The following RALGAPA1 variants were observed in gnomAD, a reference collection of about 807,000 sequenced individuals.
RALGAPA1 encodes Ral GTPase activating protein catalytic subunit alpha 1.
In RALGAPA1, 52 loss-of-function variants were observed where a neutral mutation model predicts 269.6. The observed-to-expected ratio is 0.19, with a 90% confidence interval of 0.15 to 0.24. RALGAPA1 has a LOEUF of 0.24. RALGAPA1 is among the 10% of genes least tolerant of loss of function. The pLI is 1.00. For synonymous variants in RALGAPA1, 817 were observed against 1,008.3 expected (o/e 0.81, Z 3.60); for missense variants, 1,917 against 3,013.9 (o/e 0.64, Z 8.52).
At position 35,689,653 on chromosome 14, in the gene RALGAPA1, G is replaced by A; in HGVS notation, c.2758C>T (p.Leu920Phe). 7.9e-7 allele frequency: 1 copy of A among 1,270,850 alleles called. No homozygotes were observed. The highest frequency in any genetic ancestry group is 9.9e-7 in the Non-Finnish European group (1 of 1,009,902). 78.7% of individuals were successfully genotyped at this position (1,270,850 alleles called of 1,614,324 possible). The change falls in exon 18 of 42, where the codon CTT becomes TTT. Residue 920 changes from leucine to phenylalanine, a missense_variant. By Grantham distance (22) the Leu-to-Phe change is conservative. Transcript: ENST00000680220. ...HLCHLIGPVE[L>F]ADSAFEQIQY... Reference sequence around the variant, plus strand: ...ATTTGTTCAAAAGCTGAATCTGCAAGTTCTACTGGACCTATTAAATGACAA... The same window carrying A: ...ATTTGTTCAAAAGCTGAATCTGCAAATTCTACTGGACCTATTAAATGACAA...
At chr14:35,808,263 G>C (rs1268311247) in intron 1 of RALGAPA1, among the ~76,000 whole-genome samples, 1 of 152,120 alleles carries the variant, frequency 6.6e-6, no homozygotes, top group African/African-American at 2.4e-5. Flanking sequence ...CAGCTTTTTG[G>C]GAACCGCCCA....
chr14:35,613,851 A>C (rs996578309), intron 35 of RALGAPA1, among the ~76,000 whole-genome samples: 4 of 152,222 alleles, frequency 2.6e-5, no homozygotes, highest in African/African-American at 9.6e-5. Context: ...AATTCAACCC[A>C]GTACACATTT....
intron 1 of RALGAPA1, among the ~76,000 whole-genome samples, chr14:35,790,579 T>C (rs2076091299): frequency 6.6e-6 from 1 of 151,036 alleles, no homozygotes. Context: ...TCCCAGCTAC[T>C]CAGGAGGCTG....
chr14:35,656,426 T>C (rs1400300214), intron 28 of RALGAPA1, among the ~76,000 whole-genome samples: 3 of 152,192 alleles, frequency 2.0e-5, no homozygotes, highest in East Asian at 1.9e-4. Flanking sequence ...ACAGAACTTG[T>C]AGAATTTTTA....
intron 39 of RALGAPA1, among the ~76,000 whole-genome samples, chr14:35,560,442 GTC>G: frequency 6.6e-6 from 1 of 152,130 alleles, no homozygotes; most frequent in Middle Eastern, 3.4e-3. Flanking sequence ...AGTTCCATGT[GTC>G]TCTGAAATAT....
chr14:35,807,602 G>C lies in RALGAPA1; in HGVS notation c.106+1128C>G, dbSNP rs966303847. On this transcript the variant is annotated intron_variant, in intron 1 of 41. Coordinates refer to ENST00000680220, the MANE Select transcript of RALGAPA1 (RefSeq NM_001346249.2). ...TCAGCTTTTTTGTTGGTAAAAAATG[G>C]AGAATAATATCATCTACCTATAGAG... Among the ~76,000 whole-genome samples, 14 of 152,268 alleles carry C rather than the reference G, an allele frequency of 9.2e-5. No homozygotes were observed. The South Asian group carries it at 2.9e-3, about 32-fold the overall frequency.
intron 1 of RALGAPA1, among the ~76,000 whole-genome samples, chr14:35,792,677 G>A: frequency 6.6e-6 from 1 of 151,588 alleles, no homozygotes. Flanking sequence ...CAGCTACTCA[G>A]GAGGCTGAGA....
intron 39 of RALGAPA1, among the ~76,000 whole-genome samples, chr14:35,551,821 T>C (rs1371190060): frequency 1.3e-5 from 2 of 152,098 alleles, no homozygotes; most frequent in Non-Finnish European, 2.9e-5. Context: ...AACATACTCA[T>C]TTTGTATAAA....
intron 1 of RALGAPA1, among the ~76,000 whole-genome samples, chr14:35,798,262 A>G (rs1259205659): frequency 6.6e-6 from 1 of 151,712 alleles, no homozygotes; most frequent in South Asian, 2.1e-4. Context: ...GGCAGCCTCA[A>G]TCTCCTGGGC....
chr14:35,736,457 T>C (rs2071002882), intron 12 of RALGAPA1, among the ~76,000 whole-genome samples: 1 of 152,094 alleles, frequency 6.6e-6, no homozygotes, highest in African/African-American at 2.4e-5. Flanking sequence ...GACAAGAGAA[T>C]AAGAGATTCA....
chr14:35,749,693 C>A lies in RALGAPA1; in HGVS notation c.1011+789G>T, dbSNP rs745945620. On this transcript the variant is annotated intron_variant, in intron 9 of 41. Coordinates refer to ENST00000680220, the MANE Select transcript of RALGAPA1 (RefSeq NM_001346249.2). ...ATAGTTCTTAATACAGAAGTTAGAGCAAAGTTTTGGAGGAAGACACACAAT... is the reference window on the plus strand; with the variant it reads ...ATAGTTCTTAATACAGAAGTTAGAGAAAAGTTTTGGAGGAAGACACACAAT... 1.9e-4 allele frequency among the ~76,000 whole-genome samples: 29 copies of A among 152,054 alleles called. 1 individual carries two copies. The Middle Eastern group carries it at 0.01, about 54-fold the overall frequency.
chr14:35,756,813 G>C lies in RALGAPA1; in HGVS notation c.643C>G (p.Leu215Val), dbSNP rs1273438269. Residue 215 changes from leucine (L) to valine (V), a missense_variant, in exon 7 of 42, where the codon CTA becomes GTA. Transcript: ENST00000680220. ...AGTACCTGAATGACTATGTATTTTA[G>C]AAGTGCTTCAAGAAAATAGCTTGTG... Reference protein sequence around the residue: ...DLTSYFLEALLKYIVIQVKSL... With the variant: ...DLTSYFLEALVKYIVIQVKSL... 1.2e-6 allele frequency: 2 copies of C among 1,607,398 alleles called. No individual in the cohort carries two copies. The highest frequency in any genetic ancestry group is 1.7e-5 in the Admixed American group (1 of 59,844).
intron 37 of RALGAPA1, among the ~76,000 whole-genome samples, chr14:35,586,292 T>C (rs2058282618): frequency 6.6e-6 from 1 of 152,248 alleles, no homozygotes; most frequent in African/African-American, 2.4e-5. Flanking sequence ...TTTTTGCACA[T>C]TGATTTTGTA....
chr14:35,745,266 C>G (rs2071941842), intron 10 of RALGAPA1, among the ~76,000 whole-genome samples: 2 of 152,122 alleles, frequency 1.3e-5, no homozygotes, highest in African/African-American at 4.8e-5. Flanking sequence ...CTGGAATAAT[C>G]TTGACAAGGA....
At position 35,624,209 on chromosome 14, in the gene RALGAPA1, A is replaced by T. The variant is rs2060846391; in HGVS notation, c.6929+1152T>A. Among the ~76,000 whole-genome samples, 4 of 129,200 alleles carry T rather than the reference A, an allele frequency of 3.1e-5. No homozygotes were observed. The Admixed American group carries it at 3.1e-4, about 10-fold the overall frequency. The allele number at this position is 129,200 out of a possible 152,430, so 84.8% of individuals were successfully genotyped here. A position where few individuals can be genotyped will look rare whatever the true frequency, so the allele number is the denominator to read the frequency against. ...AATATCCCTATGATTCCAGTTCCGT[A>T]AAAAAAAAAAAAAAAAAAAGGAGTC... On this transcript the variant is annotated intron_variant, in intron 35 of 41. Transcript: ENST00000680220.
intron 12 of RALGAPA1, among the ~76,000 whole-genome samples, chr14:35,734,151 T>A (rs1407190216): frequency 1.3e-5 from 2 of 152,114 alleles, no homozygotes; most frequent in Non-Finnish European, 2.9e-5. Flanking sequence ...ACAAATTCAA[T>A]GCAATCTCTA....
At chr14:35,668,174 A>G (rs991388431) in intron 26 of RALGAPA1, among the ~76,000 whole-genome samples, 2 of 152,096 alleles carry the variant, frequency 1.3e-5, no homozygotes, top group East Asian at 1.9e-4. Context: ...GGGGGAAAAA[A>G]ATAATACAAA....
intron 17 of RALGAPA1, among the ~76,000 whole-genome samples, chr14:35,699,940 G>A (rs1430734924): frequency 3.3e-5 from 5 of 149,614 alleles, no homozygotes; most frequent in African/African-American, 7.4e-5. Context: ...AAAAAATACT[G>A]GACATTGGCA....
In RALGAPA1 at chr14:35,570,792, T is replaced by C. The variant is rs17764066; in HGVS notation, c.7369-48A>G. ...ATTTTACATTCAAATTACAGACAGA[T>C]TGTAAATAAGAGCAATCAAGACACT... On this transcript the variant is annotated intron_variant, in intron 38 of 41. Transcript: ENST00000680220. 3.9e-3 allele frequency: 5,984 copies of C among 1,540,868 alleles called. 26 individuals are homozygous for C. The highest frequency in any genetic ancestry group is 4.1e-3 in the Non-Finnish European group (4,650 of 1,143,200).
Sources: allele counts gnomAD v4.1 joint callset (sites outside exome capture counted in the v4.1 genomes callset), GRCh38; gene constraint gnomAD v4.1.1; transcripts MANE v1.5; gene names NCBI Gene and HGNC (gene_info 2026-07-23, HGNC 2026-07-21).